Variants in ZC3H14 observed in about 807,000 individuals in gnomAD.
ZC3H14 encodes zinc finger CCCH domain-containing protein 14.
In ZC3H14, 31 loss-of-function variants were observed where a neutral mutation model predicts 92.4. That is an observed-to-expected ratio of 0.34 (90% CI 0.25 to 0.45). The LOEUF (loss-of-function observed/expected upper bound fraction) is 0.45. Ranked by LOEUF, ZC3H14 falls within the 20% of genes least tolerant of loss-of-function variation. The pLI, the probability that ZC3H14 is intolerant of heterozygous loss-of-function variation, is 1.00. For missense variants in ZC3H14, 781 were observed against 897.3 expected, an observed-to-expected ratio of 0.87 and a Z score of 1.66; for synonymous variants, 321 against 300.9, an observed-to-expected ratio of 1.07 and a Z score of -0.69.
Position 88,575,826 on chromosome 14 carries a change from C to T in ZC3H14, c.1023-14C>T, listed in dbSNP as rs765971399. 2 of 1,600,528 alleles carry T rather than the reference C, an allele frequency of 1.2e-6. No homozygotes were observed. Among genetic ancestry groups the T allele is most frequent in the Non-Finnish European group, 1.7e-6 (2 of 1,168,478 alleles). ...TTTAAAGTTTAATAAAAATACCTTT[C>T]TTAACTCTTTTAGACCTTCTCTTCC... On this transcript the variant is annotated splice_polypyrimidine_tract_variant and intron_variant, in intron 7 of 16. Transcript: ENST00000251038.
intron 12 of ZC3H14, among the ~76,000 whole-genome samples, 167 bp from the exon 13 acceptor site, chr14:88,607,076 T>C (rs2085527762): frequency 6.6e-6 from 1 of 152,176 alleles, no homozygotes. Context: ...CAACCTTTTA[T>C]AGGATTCTAT....
rs878870756 is a variant in ZC3H14, at chr14:88,563,642, T to C, written c.37-9T>C. 6.2e-7 allele frequency: 1 copy of C among 1,614,212 alleles called. No homozygotes were observed. Among genetic ancestry groups the C allele is most frequent in the Non-Finnish European group, 8.5e-7 (1 of 1,179,992 alleles). On this transcript the variant is annotated splice_polypyrimidine_tract_variant and intron_variant, in intron 1 of 16. Transcript: ENST00000251038. Reference sequence around the variant, plus strand: ...TTTCTCACATGCACGTTTGCTCTTTTTCTCTCAGAGTGCCATTAAGGGGAA... The same window carrying C: ...TTTCTCACATGCACGTTTGCTCTTTCTCTCTCAGAGTGCCATTAAGGGGAA...
intron 7 of ZC3H14, among the ~76,000 whole-genome samples, chr14:88,575,487 G>A (rs2081042019): frequency 6.6e-6 from 1 of 151,922 alleles, no homozygotes; most frequent in East Asian, 1.9e-4. Flanking sequence ...GAGACCAGGA[G>A]TTCGAGACCA....
Position 88,618,528 on chromosome 14 carries a change from G to A in ZC3H14, c.*6777G>A. On this transcript the variant is annotated 3_prime_UTR_variant, in exon 17 of 17. Transcript: ENST00000251038. Reference sequence around the variant, plus strand: ...AGGAAAGGGGAGCTGTAGGTCAGAAGGTACAAAGGGAGGAGTTGAGAAGCT... The same window carrying A: ...AGGAAAGGGGAGCTGTAGGTCAGAAAGTACAAAGGGAGGAGTTGAGAAGCT... 2.4e-6 allele frequency: 3 copies of A among 1,230,928 alleles called. No homozygotes were observed. Among genetic ancestry groups the A allele is most frequent in the Admixed American group, 2.6e-5 (1 of 37,880 alleles). The allele number at this position is 1,230,928 out of a possible 1,614,324, so 76.3% of individuals were successfully genotyped here.
chr14:88,622,993 A>C lies in ZC3H14; in HGVS notation c.*11242A>C. On this transcript the variant is annotated 3_prime_UTR_variant, in exon 17 of 17. Coordinates refer to ENST00000251038, the MANE Select transcript of ZC3H14 (RefSeq NM_024824.5). ...TTATTTAGCCTCTACAATACATTAC[A>C]ATACATTATCCTCTCTCATAATACT... 1 of 276,312 alleles carries C rather than the reference A, an allele frequency of 3.6e-6. No homozygotes were observed. The highest frequency in any genetic ancestry group is 6.7e-6 in the Non-Finnish European group (1 of 149,956). The allele number at this position is 276,312 out of a possible 1,614,324, so 17.1% of individuals were successfully genotyped here.
At chr14:88,572,525 G>A in intron 5 of ZC3H14, 53 bp from the exon 6 acceptor site, 3 of 1,594,384 alleles carry the variant, frequency 1.9e-6, no homozygotes, top group Non-Finnish European at 2.6e-6. Context: ...TTAAAGATTT[G>A]GTGATAATTG....
rs1165368992 is a variant in ZC3H14 at position 88,613,977 on chromosome 14, G to A, written c.*2226G>A. 6.6e-6 allele frequency: 1 copy of A among 152,278 alleles called. No homozygotes were observed. The highest frequency in any genetic ancestry group is 6.5e-5 in the Admixed American group (1 of 15,284). The allele number at this position is 152,278 out of a possible 1,614,324, so 9.4% of individuals were successfully genotyped here. On this transcript the variant is annotated 3_prime_UTR_variant, in exon 17 of 17. Transcript: ENST00000251038. ...TGAAACTGACAGCAGCAGTGATTAA[G>A]GCTGACTTAATCAGGTTGGCCACTT...
chr14:88,616,047 A>G lies in ZC3H14; in HGVS notation c.*4296A>G. 7.3e-7 allele frequency: 1 copy of G among 1,367,952 alleles called. No individual in the cohort carries two copies. Among genetic ancestry groups the G allele is most frequent in the Admixed American group, 1.8e-5 (1 of 56,922 alleles). The allele number at this position is 1,367,952 out of a possible 1,614,324, so 84.7% of individuals were successfully genotyped here. A position where few individuals can be genotyped will look rare whatever the true frequency, so the allele number is the denominator to read the frequency against. ...ATACTACCTTCTACTAATGTTGACT[A>G]GCTGATTTCATAAACCAAAGCTGTA... On this transcript the variant is annotated 3_prime_UTR_variant, in exon 17 of 17. Coordinates refer to ENST00000251038, the MANE Select transcript of ZC3H14 (RefSeq NM_024824.5).
rs1195145655 is a variant in ZC3H14 at position 88,572,201 on chromosome 14, A to G, written c.407A>G (p.Gln136Arg). ...GATTCCAGAGTTTCTACAAGTTCGC[A>G]GGAGTCAAAAACCACAAATGTCAGG... ...KRDSRVSTSS[Q>R]ESKTTNVRQT... The change falls in exon 5 of 17, where the codon CAG becomes CGG. Residue 136 changes from glutamine (Q) to arginine (R), a missense_variant. This residue lies in a region of ZC3H14 where 454 missense variants were observed against 438.5 expected (regional missense o/e 1.04). Coordinates refer to ENST00000251038, the MANE Select transcript of ZC3H14 (RefSeq NM_024824.5). The G allele has an allele frequency of 1.9e-6, 3 of 1,614,182 alleles. No individual in the cohort carries two copies. Among genetic ancestry groups the G allele is most frequent in the South Asian group, 1.1e-5 (1 of 91,086 alleles).
chr14:88,610,781 T>C lies in ZC3H14; in HGVS notation c.2098-53T>C. The C allele has an allele frequency of 6.5e-6, 10 of 1,533,344 alleles. 1 individual carries two copies. The South Asian group carries it at 1.0e-4, about 16-fold the overall frequency. The allele number at this position is 1,533,344 out of a possible 1,614,324, so 95.0% of individuals were successfully genotyped here. A position where few individuals can be genotyped will look rare whatever the true frequency, so the allele number is the denominator to read the frequency against. On this transcript the variant is annotated intron_variant, in intron 15 of 16. Transcript: ENST00000251038. ...CTGTCTCAAATAATAAAATAATGTGTTTACTTATATTAGCCTTGTGGATAT... is the reference window on the plus strand; with the variant it reads ...CTGTCTCAAATAATAAAATAATGTGCTTACTTATATTAGCCTTGTGGATAT...
At chr14:88,571,749 C>A (rs941940653) in intron 4 of ZC3H14, among the ~76,000 whole-genome samples, 5 of 152,152 alleles carry the variant, frequency 3.3e-5, no homozygotes, top group African/African-American at 1.2e-4. Flanking sequence ...ATCATGGGCT[C>A]AGGAGATGGA....
chr14:88,579,247 C>T (rs1209159114), intron 9 of ZC3H14, among the ~76,000 whole-genome samples: 2 of 152,208 alleles, frequency 1.3e-5, no homozygotes, highest in East Asian at 1.9e-4. Flanking sequence ...CATTGTGTCT[C>T]TTTAAAAATT....
chr14:88,605,197 T>C (rs969203620), intron 12 of ZC3H14, among the ~76,000 whole-genome samples: 1 of 152,210 alleles, frequency 6.6e-6, no homozygotes, highest in Non-Finnish European at 1.5e-5. Flanking sequence ...CTGTGTGTAA[T>C]TTATTATAGG....
At chr14:88,568,921 C>T (rs2080041787) in intron 3 of ZC3H14, among the ~76,000 whole-genome samples, 1 of 151,968 alleles carries the variant, frequency 6.6e-6, no homozygotes. Context: ...CTTGCTCTGT[C>T]ACCAGGCTGG....
At chr14:88,581,065 A>G (rs1449589868) in intron 9 of ZC3H14, among the ~76,000 whole-genome samples, 4 of 152,224 alleles carry the variant, frequency 2.6e-5, no homozygotes, top group African/African-American at 9.6e-5. Context: ...TAGGAAATCT[A>G]ATGGAGGATG....
In ZC3H14 at chr14:88,572,351, G is replaced by A. The variant is rs181032169; in HGVS notation, c.431+126G>A. On this transcript the variant is annotated intron_variant, in intron 5 of 16. Coordinates refer to ENST00000251038, the MANE Select transcript of ZC3H14 (RefSeq NM_024824.5). ...AGAAACAATGAAGTGATCGTGAGTA[G>A]TTTTTTGAATAAAATAATGGATAAG... 8.6e-6 allele frequency: 10 copies of A among 1,168,188 alleles called. 1 individual carries two copies. In the African/African-American group the frequency reaches 1.6e-4, roughly 18 times the overall value. The allele number at this position is 1,168,188 out of a possible 1,614,324, so 72.4% of individuals were successfully genotyped here.
chr14:88,592,317 A>G (rs940653255), intron 9 of ZC3H14: 2 of 152,118 alleles, frequency 1.3e-5, no homozygotes, highest in Non-Finnish European at 1.5e-5. Context: ...TGTGAATCCA[A>G]AGCCTTGAAT....
chr14:88,602,370 A>C (rs1261203539), intron 11 of ZC3H14, among the ~76,000 whole-genome samples: 1 of 152,256 alleles, frequency 6.6e-6, no homozygotes, highest in East Asian at 1.9e-4. Flanking sequence ...TTTAAAAGCC[A>C]GCTGACCATA....
intron 3 of ZC3H14, 139 bp from the exon 4 acceptor site, chr14:88,570,945 A>G (rs779385954): frequency 8.8e-5 from 52 of 588,134 alleles, no homozygotes; most frequent in Non-Finnish European, 1.2e-4. Flanking sequence ...GTGAAACCCC[A>G]TCTCTATTTA....
Sources: gnomAD v4.1 joint callset for allele counts (sites outside exome capture counted in the v4.1 genomes callset) on GRCh38, gnomAD v4.1.1 for gene constraint, gnomAD v4.1.1 regional missense constraint, MANE v1.5 for transcripts, NCBI Gene and HGNC (gene_info 2026-07-23, HGNC 2026-07-21) for gene names.